TOP2B: variants seen among roughly 807,000 people sequenced by gnomAD.
The protein encoded by TOP2B is DNA topoisomerase 2-beta.
Under a neutral mutation model 193.5 loss-of-function variants are expected in TOP2B, and 51 were observed. The observed-to-expected ratio is 0.26, with a 90% CI of 0.21 to 0.33. TOP2B has a LOEUF of 0.33. TOP2B is among the 10% of genes least tolerant of loss of function. The pLI is 1.00. For synonymous variants in TOP2B, 634 were observed against 635.7 expected (o/e 1.00, Z 0.04); for missense variants, 1,378 against 1,909.3 (o/e 0.72, Z 5.19).
chr3:25,630,777 C>CT, intron 11 of TOP2B, 24 bp downstream of exon 11: 3 of 1,500,594 alleles, frequency 2.0e-6, no homozygotes, highest in Non-Finnish European at 2.7e-6. Context: ...AAATCAAAAT[C>CT]TTATTTAAAA....
chr3:25,636,998 A>C (rs1332754230), intron 6 of TOP2B, among the ~76,000 whole-genome samples: 1 of 152,004 alleles, frequency 6.6e-6, no homozygotes, highest in East Asian at 1.9e-4. Context: ...TGTTAAATAA[A>C]GCACTTTGTT....
At chr3:25,627,145 G>C in intron 16 of TOP2B, 42 bp downstream of exon 16, 1 of 1,370,806 alleles carries the variant, frequency 7.3e-7, no homozygotes, top group Non-Finnish European at 1.0e-6. Context: ...TAGAAGGTAG[G>C]GGGATGGCTA....
At chr3:25,631,492 C>T (rs1180124007) in intron 10 of TOP2B, among the ~76,000 whole-genome samples, 1 of 151,960 alleles carries the variant, frequency 6.6e-6, no homozygotes, top group Non-Finnish European at 1.5e-5. Flanking sequence ...AAGATGTTAA[C>T]CCAGACAGAA....
chr3:25,606,224 A>G, intron 31 of TOP2B, 102 bp from the exon 32 acceptor site: 1 of 566,642 alleles, frequency 1.8e-6, no homozygotes, highest in East Asian at 3.2e-5. Flanking sequence ...ATAATCACAG[A>G]ACAAAACTTT....
At chr3:25,602,646 C>T (rs1474981118) in intron 33 of TOP2B, among the ~76,000 whole-genome samples, 1 of 152,106 alleles carries the variant, frequency 6.6e-6, no homozygotes, top group African/African-American at 2.4e-5. Context: ...CCACCTGAGT[C>T]TTCATGACTA....
At position 25,609,604 on chromosome 3, in the gene TOP2B, T is replaced by G. The variant is rs576183684; in HGVS notation, c.3895A>C (p.Lys1299Gln). Residue 1299 changes from lysine to glutamine, a missense_variant, in exon 29 of 36, where the codon AAA (lysine) becomes CAA (glutamine). Lys to Gln is a moderately conservative substitution (Grantham distance 53). This residue lies in a region of TOP2B where 556 missense variants were observed against 584.2 expected (regional missense o/e 0.95). Transcript: ENST00000264331. ...EALTPSVPIN[K>Q]GPKPKREKKE... ...TTCTCCCTCTTAGGTTTGGGACCTT[T>G]ATTTATAGGAACTGATGGAGTCAAT... The G allele has an allele frequency of 3.7e-6, 6 of 1,601,400 alleles. No homozygotes were observed. The South Asian group carries it at 6.8e-5, about 18-fold the overall frequency.
intron 31 of TOP2B, 21 bp downstream of exon 31, chr3:25,607,150 T>G (rs1234387620): frequency 6.2e-7 from 1 of 1,611,468 alleles, no homozygotes; most frequent in Non-Finnish European, 8.5e-7. Flanking sequence ...CTATACCACA[T>G]CACTAAATAG....
chr3:25,627,120 C>T, intron 16 of TOP2B, 67 bp downstream of exon 16: 1 of 1,134,242 alleles, frequency 8.8e-7, no homozygotes, highest in Non-Finnish European at 1.3e-6. Context: ...GGAACCAGGA[C>T]TGGGAGGAAA....
At chr3:25,649,316 G>A (rs1417303288) in intron 1 of TOP2B, among the ~76,000 whole-genome samples, 1 of 152,058 alleles carries the variant, frequency 6.6e-6, no homozygotes, top group Non-Finnish European at 1.5e-5. Context: ...GAGAAATGGA[G>A]AAAGAGCCTA....
intron 21 of TOP2B, 106 bp from the exon 22 acceptor site, chr3:25,620,922 T>A (rs1702643522): frequency 4.2e-6 from 5 of 1,196,040 alleles, no homozygotes; most frequent in African/African-American, 3.1e-5. Context: ...GAATTTCTCA[T>A]CCTCAATTGT....
intron 13 of TOP2B, 135 bp downstream of exon 13, chr3:25,629,894 G>A (rs1333086674): frequency 2.1e-6 from 2 of 949,676 alleles, no homozygotes; most frequent in South Asian, 2.2e-5. Context: ...AAATGACGTG[G>A]TTTTTTCATT....
At chr3:25,601,737 T>G (rs1702101323) in intron 33 of TOP2B, among the ~76,000 whole-genome samples, 3 of 152,194 alleles carry the variant, frequency 2.0e-5, no homozygotes, top group African/African-American at 7.2e-5. Flanking sequence ...TAATTTGCCC[T>G]TAGGTAATAC....
At chr3:25,649,904 CA>C (rs1703533126) in intron 1 of TOP2B, among the ~76,000 whole-genome samples, 1 of 152,138 alleles carries the variant, frequency 6.6e-6, no homozygotes, top group African/African-American at 2.4e-5. Context: ...TATTTCTCAA[CA>C]AAAGCTCCAT....
chr3:25,604,951 T>C (rs887245576), intron 32 of TOP2B, 81 bp from the exon 33 acceptor site: 11 of 946,528 alleles, frequency 1.2e-5, no homozygotes, highest in Admixed American at 2.1e-5. Flanking sequence ...AACTGATGAC[T>C]TCCCTTTAGC....
chr3:25,624,348 A>T lies in TOP2B; in HGVS notation c.2444T>A (p.Leu815His). The T allele has an allele frequency of 6.2e-7, 1 of 1,613,952 alleles. No homozygotes were observed. The highest frequency in any genetic ancestry group is 8.5e-7 in the Non-Finnish European group (1 of 1,179,842). ...LQPIGQFGTR[L>H]HGGKDAASPR... ...GCTTGCAGCATCTTTGCCACCATGA[A>T]GCCGAGTTCCAAACTGACCAATAGG... The change falls in exon 20 of 36, where the codon CTT (leucine) becomes CAT (histidine). Residue 815 changes from leucine to histidine, a missense_variant. Around this residue, in one of 9 missense-constraint regions of TOP2B, gnomAD observed 379 missense variants for 615.1 expected, o/e 0.62. Transcript: ENST00000264331.
intron 21 of TOP2B, among the ~76,000 whole-genome samples, chr3:25,621,564 T>C (rs1423871987): frequency 2.0e-5 from 3 of 152,070 alleles, no homozygotes; most frequent in African/African-American, 7.2e-5. Flanking sequence ...TTTTGCCATG[T>C]TGCCCAGGCT....
intron 1 of TOP2B, among the ~76,000 whole-genome samples, chr3:25,652,777 T>C (rs1398727612): frequency 2.0e-5 from 3 of 149,210 alleles, no homozygotes; most frequent in East Asian, 3.9e-4. Flanking sequence ...ACCAAATTAA[T>C]GAAGGGAAAT....
At chr3:25,615,125 T>G in intron 27 of TOP2B, 80 bp downstream of exon 27, 7 of 1,305,794 alleles carry the variant, frequency 5.4e-6, no homozygotes, top group Non-Finnish European at 7.5e-6. Context: ...TAAAGAAAAC[T>G]TTAAGATCAC....
intron 13 of TOP2B, 92 bp downstream of exon 13, chr3:25,629,937 T>C: frequency 1.5e-6 from 2 of 1,323,276 alleles, no homozygotes; most frequent in Non-Finnish European, 1.0e-6. Flanking sequence ...CTTTCAGTTA[T>C]ACCATCTTCG....
Sources: allele counts gnomAD v4.1 joint callset (sites outside exome capture counted in the v4.1 genomes callset), GRCh38; gene constraint gnomAD v4.1.1; regional missense constraint gnomAD v4.1.1; transcripts MANE v1.5; gene names NCBI Gene and HGNC (gene_info 2026-07-23, HGNC 2026-07-21).